The following ERC2 variants were observed in gnomAD, a reference collection of about 807,000 sequenced individuals.
The protein encoded by ERC2 is ELKS/RAB6-interacting/CAST family member 2.
ERC2 carries 42 observed loss-of-function variants against 114.8 expected under a neutral mutation model. That is an observed-to-expected ratio of 0.37 (90% CI 0.29 to 0.47). The LOEUF is 0.47. Ranked by LOEUF, ERC2 falls within the 20% of genes least tolerant of loss-of-function variation. ERC2 has a pLI of 0.99. For missense variants in ERC2, 939 were observed against 1,150.7 expected (o/e 0.82, Z 2.66); for synonymous variants, 454 against 425.5 (o/e 1.07, Z -0.82).
chr3:55,512,137 T>A (rs2052120435), intron 17 of ERC2, among the ~76,000 whole-genome samples: 1 of 152,218 alleles, frequency 6.6e-6, no homozygotes, highest in South Asian at 2.1e-4. Context: ...CTGTCTCATT[T>A]GGTGGTTGAT....
At chr3:56,103,456 G>T (rs1217445129) in intron 6 of ERC2, among the ~76,000 whole-genome samples, 1 of 152,086 alleles carries the variant, frequency 6.6e-6, no homozygotes, top group African/African-American at 2.4e-5. Context: ...TCTCTAAGAG[G>T]GATGAATTCC....
intron 12 of ERC2, among the ~76,000 whole-genome samples, chr3:55,972,448 C>A (rs1281106087): frequency 6.6e-6 from 1 of 152,140 alleles, no homozygotes; most frequent in Non-Finnish European, 1.5e-5. Flanking sequence ...CCCCAACAGG[C>A]CACGGTGTGT....
chr3:55,973,900 G>T (rs1366299392), intron 12 of ERC2, among the ~76,000 whole-genome samples: 1 of 152,126 alleles, frequency 6.6e-6, no homozygotes, highest in African/African-American at 2.4e-5. Context: ...CCTAAAAATA[G>T]CATTTAAAAT....
At chr3:55,996,856 C>T (rs541096672) in intron 10 of ERC2, among the ~76,000 whole-genome samples, 1 of 152,248 alleles carries the variant, frequency 6.6e-6, no homozygotes, top group East Asian at 1.9e-4. Flanking sequence ...GGAAATAAGG[C>T]AAAACTTCAG....
chr3:56,378,582 A>G (rs1043039291), intron 2 of ERC2, among the ~76,000 whole-genome samples: 1 of 142,958 alleles, frequency 7.0e-6, no homozygotes, highest in African/African-American at 2.8e-5. Context: ...AAAAAAAAAA[A>G]AAAACAAAGG....
At chr3:56,039,841 T>G (rs1043697503) in intron 7 of ERC2, among the ~76,000 whole-genome samples, 27 of 152,294 alleles carry the variant, frequency 1.8e-4, no homozygotes, top group African/African-American at 5.8e-4. Flanking sequence ...TATAAATCCA[T>G]GCACTTGTAG....
At chr3:55,546,483 C>T (rs1393294093) in intron 17 of ERC2, among the ~76,000 whole-genome samples, 4 of 152,174 alleles carry the variant, frequency 2.6e-5, no homozygotes, top group African/African-American at 9.7e-5. Flanking sequence ...TTATCATATT[C>T]ACTGTCCATC....
At chr3:56,136,836 C>T (rs1030133875) in intron 6 of ERC2, among the ~76,000 whole-genome samples, 1 of 152,148 alleles carries the variant, frequency 6.6e-6, no homozygotes, top group Non-Finnish European at 1.5e-5. Flanking sequence ...AAGAAAATTC[C>T]TCAGCCGTTT....
intron 17 of ERC2, among the ~76,000 whole-genome samples, chr3:55,557,886 T>G (rs192711282): frequency 3.7e-4 from 56 of 152,354 alleles, no homozygotes; most frequent in Non-Finnish European, 4.7e-4. Flanking sequence ...CATAGAAGCC[T>G]TTGCTCGTGG....
intron 10 of ERC2, among the ~76,000 whole-genome samples, chr3:55,996,483 C>CA (rs760589966): frequency 1.1e-4 from 17 of 152,092 alleles, no homozygotes; most frequent in Non-Finnish European, 2.2e-4. Context: ...CGATTCTGCT[C>CA]AAAAATATTT....
intron 1 of ERC2, among the ~76,000 whole-genome samples, chr3:56,439,269 ACT>A (rs2062175960): frequency 6.6e-6 from 1 of 151,988 alleles, no homozygotes; most frequent in South Asian, 2.1e-4. Context: ...ATATAGCAAG[ACT>A]CTGTCTCTAA....
intron 14 of ERC2, among the ~76,000 whole-genome samples, chr3:55,736,644 A>T (rs187645452): frequency 6.6e-6 from 1 of 152,170 alleles, no homozygotes; most frequent in Non-Finnish European, 1.5e-5. Context: ...GCACATAGCG[A>T]GTGCTCAAAA....
At chr3:56,207,728 T>G (rs2048827104) in intron 3 of ERC2, among the ~76,000 whole-genome samples, 1 of 152,172 alleles carries the variant, frequency 6.6e-6, no homozygotes, top group Non-Finnish European at 1.5e-5. Context: ...ACATGCAACC[T>G]CTTCACCATG....
intron 15 of ERC2, among the ~76,000 whole-genome samples, chr3:55,731,991 T>C (rs921329235): frequency 1.3e-5 from 2 of 152,110 alleles, no homozygotes; most frequent in African/African-American, 4.8e-5. Flanking sequence ...TGCTTGACAC[T>C]CTGAATTTCT....
chr3:56,008,012 A>T (rs978044780), intron 9 of ERC2, among the ~76,000 whole-genome samples: 2 of 152,180 alleles, frequency 1.3e-5, no homozygotes, highest in African/African-American at 4.8e-5. Context: ...TCCAAAAACT[A>T]CAGAAATAAA....
intron 16 of ERC2, among the ~76,000 whole-genome samples, chr3:55,688,463 C>T (rs893100773): frequency 1.3e-5 from 2 of 152,188 alleles, no homozygotes; most frequent in Admixed American, 6.5e-5. Context: ...ACCCTTCTGA[C>T]TCCACCATAT....
At chr3:55,649,860 A>G (rs2060541476) in intron 17 of ERC2, among the ~76,000 whole-genome samples, 5 of 152,190 alleles carry the variant, frequency 3.3e-5, no homozygotes. Flanking sequence ...TTCTAAAAAC[A>G]AACTGTAAAA....
intron 17 of ERC2, among the ~76,000 whole-genome samples, chr3:55,637,057 T>C (rs2059987710): frequency 6.6e-6 from 1 of 152,118 alleles, no homozygotes; most frequent in South Asian, 2.1e-4. Flanking sequence ...TTCCTGTCCC[T>C]CTCCTGGGGA....
chr3:55,875,387 G>A (rs572262898), intron 14 of ERC2, among the ~76,000 whole-genome samples: 1 of 152,292 alleles, frequency 6.6e-6, no homozygotes, highest in East Asian at 1.9e-4. Context: ...GAAGCATCAG[G>A]GGTGAGGTAA....
Sources: allele counts gnomAD v4.1 joint callset (sites outside exome capture counted in the v4.1 genomes callset), GRCh38; gene constraint gnomAD v4.1.1; transcripts MANE v1.5; gene names NCBI Gene and HGNC (gene_info 2026-07-23, HGNC 2026-07-21).